The following PPP1R21 variants were observed in gnomAD, a reference collection of about 807,000 sequenced individuals.
PPP1R21 encodes the protein KLRAQ motif containing 1.
In PPP1R21, 85 loss-of-function variants were observed where a neutral mutation model predicts 112.8. The observed-to-expected ratio is 0.75, with a 90% CI of 0.63 to 0.90. The LOEUF (loss-of-function observed/expected upper bound fraction) is 0.90, where lower values mean the gene tolerates loss of function less well. PPP1R21 is among the 40% of genes least tolerant of loss of function. The pLI, the probability that PPP1R21 is intolerant of heterozygous loss-of-function variation, is 0.00. For missense variants in PPP1R21, 1,199 were observed against 901.5 expected (o/e 1.33, Z -4.23); for synonymous variants, 381 against 322.3 (o/e 1.18, Z -1.95).
chr2:48,464,935 A>G lies in PPP1R21; in HGVS notation c.695-2A>G. 1 of 1,564,612 alleles carries G rather than the reference A, an allele frequency of 6.4e-7. No individual in the cohort carries two copies. The highest frequency in any genetic ancestry group is 8.6e-7 in the Non-Finnish European group (1 of 1,163,566). On this transcript the variant is annotated splice_acceptor_variant, in intron 7 of 21. Transcript: ENST00000294952. LOFTEE classifies it high-confidence loss of function. ...TTAATGTACATTATTTTTCTTCTGTAGAATATAGTCAGTACAACGCTCTGA... is the reference window on the plus strand; with the variant it reads ...TTAATGTACATTATTTTTCTTCTGTGGAATATAGTCAGTACAACGCTCTGA...
At chr2:48,497,066 C>G (rs1452548519) in intron 16 of PPP1R21, among the ~76,000 whole-genome samples, 1 of 152,154 alleles carries the variant, frequency 6.6e-6, no homozygotes, top group Non-Finnish European at 1.5e-5. Context: ...TCATGGGAAC[C>G]TCAATTTAAA....
intron 12 of PPP1R21, among the ~76,000 whole-genome samples, 153 bp from the exon 13 acceptor site, chr2:48,479,771 A>C (rs1033748308): frequency 4.6e-5 from 7 of 152,232 alleles, no homozygotes; most frequent in Non-Finnish European, 8.8e-5. Context: ...GTGTATCACC[A>C]TTATGTCTGA....
chr2:48,497,879 C>T (rs1365284793), intron 16 of PPP1R21, among the ~76,000 whole-genome samples: 2 of 152,070 alleles, frequency 1.3e-5, no homozygotes, highest in African/African-American at 4.8e-5. Flanking sequence ...TCTCGATCTC[C>T]TGACCTCGTG....
At chr2:48,480,123 A>C in intron 13 of PPP1R21, 107 bp downstream of exon 13, 1 of 777,614 alleles carries the variant, frequency 1.3e-6, no homozygotes, top group Non-Finnish European at 2.3e-6. Context: ...CCCCAGATAA[A>C]GGCTTATTAG....
rs1188598566 is a variant in PPP1R21, at chr2:48,509,270, G to A, written c.2086-745G>A. 2.0e-5 allele frequency among the ~76,000 whole-genome samples: 3 copies of A among 151,928 alleles called. No individual in the cohort carries two copies. The East Asian group carries it at 5.8e-4, about 29-fold the overall frequency. On this transcript the variant is annotated intron_variant, in intron 19 of 21. Coordinates refer to ENST00000294952, the MANE Select transcript of PPP1R21 (RefSeq NM_001135629.3). Reference sequence around the variant, plus strand: ...AAGCTTTTATTGCTCCTATAATGTGGTCTCTAATGAAGGACTTAAAACACA... The same window carrying A: ...AAGCTTTTATTGCTCCTATAATGTGATCTCTAATGAAGGACTTAAAACACA...
intron 1 of PPP1R21, among the ~76,000 whole-genome samples, chr2:48,443,506 C>G (rs1232724204): frequency 6.6e-6 from 1 of 152,178 alleles, no homozygotes; most frequent in Non-Finnish European, 1.5e-5. Flanking sequence ...GAGAGTTAAT[C>G]AGGGTAGAAA....
intron 13 of PPP1R21, among the ~76,000 whole-genome samples, chr2:48,483,992 G>A (rs1374897776): frequency 1.3e-5 from 2 of 152,004 alleles, no homozygotes; most frequent in African/African-American, 2.4e-5. Flanking sequence ...CCAGCCTAAT[G>A]TATTACTCTT....
intron 7 of PPP1R21, 66 bp downstream of exon 7, chr2:48,461,298 A>G: frequency 3.5e-6 from 5 of 1,430,992 alleles, no homozygotes; most frequent in Non-Finnish European, 4.6e-6. Flanking sequence ...CCAACTAATT[A>G]AAGTAATTTT....
rs573314256 is a variant in PPP1R21 at position 48,482,482 on chromosome 2, A to G, written c.1318+2466A>G. 9.8e-5 allele frequency among the ~76,000 whole-genome samples: 15 copies of G among 152,304 alleles called. 1 individual carries two copies. The South Asian group carries it at 3.1e-3, about 32-fold the overall frequency. On this transcript the variant is annotated intron_variant, in intron 13 of 21. Transcript: ENST00000294952. Reference sequence around the variant, plus strand: ...GTAAGTGGGTATAGCATCACAGCCTATGATTTTTTATAACAGTATCAAGGG... The same window carrying G: ...GTAAGTGGGTATAGCATCACAGCCTGTGATTTTTTATAACAGTATCAAGGG...
rs1489777447 is a variant in PPP1R21 at position 48,498,500 on chromosome 2, A to G, written c.1700A>G (p.Gln567Arg). The G allele has an allele frequency of 1.2e-6, 2 of 1,614,002 alleles. No individual in the cohort carries two copies. The highest frequency in any genetic ancestry group is 1.7e-6 in the Non-Finnish European group (2 of 1,179,972). Reference protein sequence around the residue: ...SREGLAQQVQQSLEKISKLEQ... With the variant: ...SREGLAQQVQRSLEKISKLEQ... The stretch of plus-strand genomic sequence containing the variant: ...ACTCTGTTACTTTTCAAGGTTCAAC[A>G]GAGTTTGGAAAAGATTTCTAAACTG... The change falls in exon 17 of 22, where the codon CAG (glutamine) becomes CGG (arginine). Residue 567 changes from glutamine (Q) to arginine (R), a missense_variant. Coordinates refer to ENST00000294952, the MANE Select transcript of PPP1R21 (RefSeq NM_001135629.3).
intron 14 of PPP1R21, among the ~76,000 whole-genome samples, chr2:48,489,726 A>G (rs1417826398): frequency 6.6e-6 from 1 of 151,794 alleles, no homozygotes; most frequent in African/African-American, 2.4e-5. Flanking sequence ...CCTGGCCAAC[A>G]TGTTGAAACC....
chr2:48,509,906 A>G, intron 19 of PPP1R21, 109 bp from the exon 20 acceptor site: 1 of 643,594 alleles, frequency 1.6e-6, no homozygotes, highest in Non-Finnish European at 2.7e-6. Flanking sequence ...TATTTGTGGA[A>G]TGAATGAGTA....
intron 7 of PPP1R21, among the ~76,000 whole-genome samples, chr2:48,462,721 A>G (rs898120308): frequency 2.0e-5 from 3 of 152,164 alleles, no homozygotes; most frequent in Admixed American, 6.5e-5. Context: ...TCATAAGGCC[A>G]TGGGGTTGTT....
At chr2:48,444,840 A>G (rs2103730041) in intron 1 of PPP1R21, among the ~76,000 whole-genome samples, 1 of 152,290 alleles carries the variant, frequency 6.6e-6, no homozygotes. Flanking sequence ...TGGCAGAAAT[A>G]AAGATAATCT....
At chr2:48,444,350 T>G (rs1674704685) in intron 1 of PPP1R21, among the ~76,000 whole-genome samples, 1 of 152,174 alleles carries the variant, frequency 6.6e-6, no homozygotes. Context: ...GCTACCTCCT[T>G]GAGATGTGAG....
At chr2:48,473,185 G>A (rs556053684) in intron 11 of PPP1R21, among the ~76,000 whole-genome samples, 14 of 151,792 alleles carry the variant, frequency 9.2e-5, no homozygotes, top group East Asian at 7.7e-4. Flanking sequence ...TCTGTGATTT[G>A]TGCATATGAT....
chr2:48,486,663 A>G lies in PPP1R21; in HGVS notation c.1351A>G (p.Ile451Val), dbSNP rs376656052. 2.4e-5 allele frequency: 39 copies of G among 1,612,956 alleles called. No homozygotes were observed. The highest frequency in any genetic ancestry group is 1.3e-4 in the South Asian group (12 of 91,048). Residue 451 changes from isoleucine to valine, a missense_variant, in exon 14 of 22, where the codon ATA (isoleucine) becomes GTA (valine). By Grantham distance (29) the Ile-to-Val change is conservative. Coordinates refer to ENST00000294952, the MANE Select transcript of PPP1R21 (RefSeq NM_001135629.3). ...ISKHYSQKAA[I>V]EHELPTATQK... ...CAAACATTATAGTCAAAAAGCTGCAATAGAGCATGAACTTCCAACAGCAAC... is the reference window on the plus strand; with the variant it reads ...CAAACATTATAGTCAAAAAGCTGCAGTAGAGCATGAACTTCCAACAGCAAC...
At chr2:48,470,629 G>GT (rs914410673) in intron 9 of PPP1R21, among the ~76,000 whole-genome samples, 1 of 151,906 alleles carries the variant, frequency 6.6e-6, no homozygotes, top group African/African-American at 2.4e-5. Context: ...CAATAGGCTT[G>GT]TTTTTTAAAA....
intron 3 of PPP1R21, among the ~76,000 whole-genome samples, chr2:48,456,116 C>A (rs1165243524): frequency 1.3e-5 from 2 of 151,524 alleles, no homozygotes; most frequent in Non-Finnish European, 2.9e-5. Flanking sequence ...TCTTACGAGG[C>A]CAGTTTGGTG....
Sources: gnomAD v4.1 joint callset for allele counts (sites outside exome capture counted in the v4.1 genomes callset) on GRCh38, gnomAD v4.1.1 for gene constraint, MANE v1.5 for transcripts, NCBI Gene and HGNC (gene_info 2026-07-23, HGNC 2026-07-21) for gene names.